Variants in CNKSR2 observed in about 807,000 individuals in gnomAD.
The protein encoded by CNKSR2 is connector enhancer of kinase suppressor of Ras 2.
A neutral mutation model predicts 84.4 loss-of-function variants in CNKSR2; 14 were observed. The ratio of observed to expected loss-of-function variants is 0.17; its 90% CI spans 0.11 to 0.26. The LOEUF is 0.26. Among genes scored for constraint, CNKSR2 ranks in the 10% least tolerant of loss-of-function variants. The pLI is 1.00. For missense variants in CNKSR2, 485 were observed against 771.2 expected (o/e 0.63, Z 4.40); for synonymous variants, 275 against 277.9 (o/e 0.99, Z 0.10).
intron 13 of CNKSR2, 100 bp downstream of exon 13, chrX:21,563,552 A>AT: frequency 3.3e-6 from 2 of 613,883 alleles, no homozygotes; most frequent in Non-Finnish European, 4.9e-6. Flanking sequence ...CTTTTACTAG[A>AT]TTTTCACAAA....
chrX:21,409,648 G>A (rs903964838), intron 1 of CNKSR2, among the ~76,000 whole-genome samples: 7 of 110,742 alleles, frequency 6.3e-5, no homozygotes, highest in East Asian at 2.9e-4. Context: ...ACATGAACTT[G>A]TTTGTGGTTT....
intron 5 of CNKSR2, among the ~76,000 whole-genome samples, chrX:21,485,495 T>G (rs180968539): frequency 2.1e-4 from 23 of 110,858 alleles, no homozygotes; most frequent in Admixed American, 2.0e-3. Context: ...ATAGATAGTA[T>G]AGAACAGAAT....
rs1024859360 is a variant in CNKSR2, at chrX:21,654,222, T to C, written c.*1701T>C. On this transcript the variant is annotated 3_prime_UTR_variant, in exon 22 of 22. Transcript: ENST00000379510. ...AGAACTCTATTTGTAAAAACATTTATTTACTGCATGGATATTGACGCACAT... is the reference window on the plus strand; with the variant it reads ...AGAACTCTATTTGTAAAAACATTTACTTACTGCATGGATATTGACGCACAT... 1 of 105,154 alleles carries C rather than the reference T, an allele frequency of 9.5e-6. No homozygotes were observed. The highest frequency in any genetic ancestry group is 1.0e-4 in the Admixed American group (1 of 9,714). The allele number at this position is 105,154 out of a possible 1,213,427, so 8.7% of individuals were successfully genotyped here. A position where few individuals can be genotyped will look rare whatever the true frequency, so the allele number is the denominator to read the frequency against.
chrX:21,497,593 A>G (rs1327809580), intron 6 of CNKSR2, among the ~76,000 whole-genome samples, 194 bp from the exon 7 acceptor site: 1 of 111,599 alleles, frequency 9.0e-6, no homozygotes, highest in Non-Finnish European at 1.9e-5. Flanking sequence ...TTCTTCAGAC[A>G]AACTTTAGAA....
intron 1 of CNKSR2, among the ~76,000 whole-genome samples, chrX:21,408,268 A>T (rs768369650): frequency 8.9e-6 from 1 of 111,856 alleles, no homozygotes; most frequent in African/African-American, 3.2e-5. Context: ...ACCTGTGGCT[A>T]CTCAGGATGA....
chrX:21,384,186 G>C (rs760563135), intron 1 of CNKSR2, among the ~76,000 whole-genome samples: 4 of 111,508 alleles, frequency 3.6e-5, no homozygotes, highest in Non-Finnish European at 7.5e-5. Flanking sequence ...TTTTCCTCCT[G>C]GCCTGCTGGA....
chrX:21,386,657 T>C (rs2089974371), intron 1 of CNKSR2, among the ~76,000 whole-genome samples: 1 of 112,635 alleles, frequency 8.9e-6, no homozygotes, highest in Admixed American at 9.4e-5. Flanking sequence ...TTCTCCTTGC[T>C]TTCTTTTAAT....
At chrX:21,610,896 T>C (rs1323722417) in intron 20 of CNKSR2, among the ~76,000 whole-genome samples, 4 of 111,562 alleles carry the variant, frequency 3.6e-5, no homozygotes, top group Non-Finnish European at 7.5e-5. Flanking sequence ...CATTGCATTA[T>C]TTAATATTAT....
intron 13 of CNKSR2, among the ~76,000 whole-genome samples, chrX:21,572,743 G>C (rs1385084100): frequency 2.7e-5 from 3 of 111,315 alleles, no homozygotes; most frequent in Non-Finnish European, 5.7e-5. Flanking sequence ...CTCCCACCGG[G>C]TCCCTCCCAT....
chrX:21,567,860 G>T (rs2092253604), intron 13 of CNKSR2, among the ~76,000 whole-genome samples: 1 of 107,087 alleles, frequency 9.3e-6, no homozygotes, highest in African/African-American at 3.4e-5. Context: ...GATGTGGTAA[G>T]AAAAGTCTTT....
intron 1 of CNKSR2, among the ~76,000 whole-genome samples, chrX:21,406,474 GGTAGCAGTTTATATATA>G (rs2090265270): frequency 9.0e-6 from 1 of 111,203 alleles, no homozygotes; most frequent in Admixed American, 9.6e-5. Context: ...GTTTTGAGCT[GGTAGCAGTTTATATATA>G]TATGTACTGA....
chrX:21,565,698 G>T (rs527468242), intron 13 of CNKSR2, among the ~76,000 whole-genome samples: 1 of 110,893 alleles, frequency 9.0e-6, no homozygotes, highest in Non-Finnish European at 1.9e-5. Flanking sequence ...CTGTTCTCAG[G>T]TTTAGAAGAA....
chrX:21,471,315 C>T (rs762554776), intron 5 of CNKSR2, among the ~76,000 whole-genome samples: 26 of 112,058 alleles, frequency 2.3e-4, no homozygotes, highest in African/African-American at 7.8e-4. Context: ...AAATGGGCTA[C>T]GCGTACATTA....
chrX:21,492,165 T>C (rs1440505125), intron 6 of CNKSR2: 1 of 111,286 alleles, frequency 9.0e-6, no homozygotes, highest in Admixed American at 9.6e-5. Context: ...ACTGAAATCA[T>C]TGGGAGAAAT....
chrX:21,539,170 G>A (rs1001570094), intron 11 of CNKSR2, among the ~76,000 whole-genome samples: 3 of 112,258 alleles, frequency 2.7e-5, no homozygotes, highest in Non-Finnish European at 5.6e-5. Context: ...CATTTGTCAT[G>A]TAGAGTTTCT....
At chrX:21,586,083 C>G (rs966443582) in intron 13 of CNKSR2, among the ~76,000 whole-genome samples, 2 of 110,874 alleles carry the variant, frequency 1.8e-5, no homozygotes, top group Non-Finnish European at 3.8e-5. Context: ...AACAAAAATG[C>G]TCAGTGATAA....
At chrX:21,506,709 T>C (rs1305995928) in intron 8 of CNKSR2, 1 of 111,832 alleles carries the variant, frequency 8.9e-6, no homozygotes, top group African/African-American at 3.2e-5. Context: ...GATTTGTTTC[T>C]TTCTTATTTG....
rs1236740045 is a variant in CNKSR2 at position 21,653,739 on chromosome X, C to T, written c.*1218C>T. On this transcript the variant is annotated 3_prime_UTR_variant, in exon 22 of 22. Transcript: ENST00000379510. ...CTCTTCATATATTTCCATTTATAAG[C>T]GTCTTGTTTTTGAAAGTGATCACAG... 9.0e-6 allele frequency: 1 copy of T among 110,655 alleles called. No homozygotes were observed. Among genetic ancestry groups the T allele is most frequent in the East Asian group, 2.9e-4 (1 of 3,507 alleles). 9.1% of individuals were successfully genotyped at this position (110,655 alleles called of 1,213,427 possible).
intron 1 of CNKSR2, among the ~76,000 whole-genome samples, chrX:21,414,583 A>C (rs1466414098): frequency 1.8e-5 from 2 of 110,105 alleles, no homozygotes; most frequent in African/African-American, 6.6e-5. Context: ...CCATTTGTTC[A>C]TTTTTGCTTT....
Sources: allele counts gnomAD v4.1 joint callset (sites outside exome capture counted in the v4.1 genomes callset), GRCh38; gene constraint gnomAD v4.1.1; transcripts MANE v1.5; gene names NCBI Gene and HGNC (gene_info 2026-07-23, HGNC 2026-07-21).